The following WT1 variants were observed in gnomAD, a reference collection of about 807,000 sequenced individuals.
WT1 encodes WT1 transcription factor.
In WT1, 8 loss-of-function variants were observed where a neutral mutation model predicts 60.8. The ratio of observed to expected loss-of-function variants is 0.13; its 90% CI spans 0.08 to 0.24. WT1 has a LOEUF of 0.24. Among genes scored for constraint, WT1 ranks in the 10% least tolerant of loss-of-function variants. The pLI, the probability that WT1 is intolerant of heterozygous loss-of-function variation, is 1.00. For synonymous variants in WT1, 312 were observed against 297.1 expected (o/e 1.05, Z -0.52); for missense variants, 568 against 711.8 (o/e 0.80, Z 2.30).
chr11:32,409,480 A>G (rs1852427492), intron 5 of WT1, among the ~76,000 whole-genome samples: 1 of 152,150 alleles, frequency 6.6e-6, no homozygotes, highest in African/African-American at 2.4e-5. Flanking sequence ...TATTATTTTT[A>G]GAGAGATGGT....
chr11:32,395,804 A>G (rs1341805261), intron 7 of WT1, among the ~76,000 whole-genome samples: 2 of 151,024 alleles, frequency 1.3e-5, no homozygotes, highest in African/African-American at 2.4e-5. Flanking sequence ...CTAACAATCA[A>G]TTTTCCCCTT....
intron 5 of WT1, among the ~76,000 whole-genome samples, chr11:32,402,940 G>C (rs550806774): frequency 1.3e-5 from 2 of 152,260 alleles, no homozygotes; most frequent in East Asian, 1.9e-4. Context: ...AATCTGTCTT[G>C]ACAGCTAAGC....
chr11:32,417,562 T>C lies in WT1; in HGVS notation c.965+15A>G, dbSNP rs770658294. On this transcript the variant is annotated intron_variant, in intron 4 of 9. Transcript: ENST00000452863. ...AAGTTACTGTGGAAAGGCAATGGAA[T>C]AGAGAAAACCTTACCCCTTTAAGGT... 6.2e-7 allele frequency: 1 copy of C among 1,609,914 alleles called. No individual in the cohort carries two copies. The highest frequency in any genetic ancestry group is 8.5e-7 in the Non-Finnish European group (1 of 1,176,200).
intron 5 of WT1, among the ~76,000 whole-genome samples, chr11:32,412,606 T>C (rs73475519): frequency 0.057 from 8,657 of 151,772 alleles, 463 homozygotes; most frequent in African/African-American, 0.14. Context: ...GAAAATGTTT[T>C]CAAAGAAATA....
intron 1 of WT1, chr11:32,429,011 G>T (rs1373778169): frequency 5.9e-6 from 2 of 337,110 alleles, no homozygotes; most frequent in African/African-American, 2.1e-5. Flanking sequence ...GGAGCAGCGC[G>T]GGCAAGCGAA....
chr11:32,405,063 T>G (rs1025587695), intron 5 of WT1, among the ~76,000 whole-genome samples: 2 of 152,230 alleles, frequency 1.3e-5, no homozygotes, highest in Non-Finnish European at 2.9e-5. Context: ...GAATATGGAT[T>G]GACTCTTTTT....
chr11:32,411,393 G>A (rs890214783), intron 5 of WT1, among the ~76,000 whole-genome samples: 1 of 152,160 alleles, frequency 6.6e-6, no homozygotes, highest in African/African-American at 2.4e-5. Flanking sequence ...TGACAACTTC[G>A]TGATGGCCTA....
At chr11:32,428,438 G>C in intron 2 of WT1, 59 bp downstream of exon 2, 1 of 1,611,720 alleles carries the variant, frequency 6.2e-7, no homozygotes, top group Non-Finnish European at 8.5e-7. Context: ...AATTCCTGGG[G>C]GAGAGGAGGA....
Position 32,392,794 on chromosome 11 carries a change from GA to G in WT1, c.1265-40del, listed in dbSNP as rs574596867. 8.8e-5 allele frequency: 140 copies of G among 1,596,360 alleles called. No individual in the cohort carries two copies. The African/African-American group carries it at 1.7e-3, about 20-fold the overall frequency. On this transcript the variant is annotated intron_variant, in intron 7 of 9. Coordinates refer to ENST00000452863, the MANE Select transcript of WT1 (RefSeq NM_024426.6). Reference sequence around the variant, plus strand: ...CATATTCTATTTGAAAATGATACTGGAAAAGGGGATCTCATTAAAGGCAACC... The same window carrying G: ...CATATTCTATTTGAAAATGATACTGGAAAGGGGATCTCATTAAAGGCAACC...
In WT1 at chr11:32,430,863, G is replaced by C. The variant is rs888228206; in HGVS notation, c.662-2244C>G. The C allele has an allele frequency of 2.3e-5, 28 of 1,219,334 alleles. No individual in the cohort carries two copies. In the Admixed American group the frequency reaches 6.5e-4, roughly 29 times the overall value. 75.5% of individuals were successfully genotyped at this position (1,219,334 alleles called of 1,614,324 possible). On this transcript the variant is annotated intron_variant, in intron 1 of 9. Coordinates refer to ENST00000452863, the MANE Select transcript of WT1 (RefSeq NM_024426.6). ...TTTTAATTAGAAGCTTATCGGACAC[G>C]GGTTTGATTAGAGCGCGCTGTCCCT...
chr11:32,388,929 G>C lies in WT1; in HGVS notation c.*129C>G. 1 of 1,530,714 alleles carries C rather than the reference G, an allele frequency of 6.5e-7. No individual in the cohort carries two copies. The highest frequency in any genetic ancestry group is 8.9e-7 in the Non-Finnish European group (1 of 1,124,740). The allele number at this position is 1,530,714 out of a possible 1,614,324, so 94.8% of individuals were successfully genotyped here. On this transcript the variant is annotated 3_prime_UTR_variant, in exon 10 of 10. Coordinates refer to ENST00000452863, the MANE Select transcript of WT1 (RefSeq NM_024426.6). ...TAGTTTCCAGAAGCACCGGTATCTT[G>C]TCTTGGAAGTTGGATGAAGAAGATC...
chr11:32,400,997 C>T (rs868064389), intron 5 of WT1, among the ~76,000 whole-genome samples: 1 of 152,230 alleles, frequency 6.6e-6, no homozygotes, highest in African/African-American at 2.4e-5. Context: ...AAATCCCACT[C>T]TTAGGGATAT....
intron 1 of WT1, chr11:32,430,721 C>A: frequency 7.2e-7 from 1 of 1,393,020 alleles, no homozygotes; most frequent in South Asian, 1.8e-5. Flanking sequence ...CCTCCTAGGC[C>A]TCCTCCCAGA....
At chr11:32,428,736 A>C in intron 1 of WT1, 117 bp from the exon 2 acceptor site, 4 of 1,494,676 alleles carry the variant, frequency 2.7e-6, no homozygotes, top group South Asian at 1.2e-5. Context: ...TCGGACCCCC[A>C]GCGGAGGAGA....
At chr11:32,392,205 C>G (rs1851838586) in intron 8 of WT1, 141 bp from the exon 9 acceptor site, 1 of 766,748 alleles carries the variant, frequency 1.3e-6, no homozygotes. Flanking sequence ...CCTTAGATTT[C>G]CCCAGTCCCC....
At chr11:32,424,544 G>A (rs528022810) in intron 3 of WT1, among the ~76,000 whole-genome samples, 1 of 152,272 alleles carries the variant, frequency 6.6e-6, no homozygotes, top group Non-Finnish European at 1.5e-5. Flanking sequence ...CAGACACCTG[G>A]TTTCAGAAAC....
At chr11:32,396,450 G>A (rs752617875) in intron 6 of WT1, 43 bp from the exon 7 acceptor site, 1 of 1,609,492 alleles carries the variant, frequency 6.2e-7, no homozygotes, top group Admixed American at 1.7e-5. Flanking sequence ...TAAGCCACAT[G>A]TGAACATTCA....
intron 4 of WT1, 132 bp from the exon 5 acceptor site, chr11:32,416,672 C>T: frequency 8.6e-7 from 1 of 1,159,538 alleles, no homozygotes; most frequent in Middle Eastern, 1.9e-4. Flanking sequence ...GAGTGCTGAA[C>T]TAAGTCCCCA....
At chr11:32,400,070 G>GA in intron 5 of WT1, 26 bp from the exon 6 acceptor site, 12 of 1,612,284 alleles carry the variant, frequency 7.4e-6, no homozygotes, top group Non-Finnish European at 1.0e-5. Flanking sequence ...AGGGAAAAAG[G>GA]CTCAGTGTGG....
Sources: allele counts gnomAD v4.1 joint callset (sites outside exome capture counted in the v4.1 genomes callset), GRCh38; gene constraint gnomAD v4.1.1; transcripts MANE v1.5; gene names NCBI Gene and HGNC (gene_info 2026-07-23, HGNC 2026-07-21).